Variants in DCHS2 observed in about 807,000 individuals in gnomAD.
DCHS2 encodes the protein dachsous cadherin-related 2, also known as protocadherin-23.
Under a neutral mutation model 182.4 loss-of-function variants are expected in DCHS2, and 142 were observed. The observed-to-expected ratio is 0.78, with a 90% CI of 0.68 to 0.89. The LOEUF is 0.89. Ranked by LOEUF, DCHS2 falls within the 40% of genes least tolerant of loss-of-function variation. The pLI, the probability that DCHS2 is intolerant of heterozygous loss-of-function variation, is 0.00. For synonymous variants in DCHS2, 1,740 were observed against 1,663.3 expected (o/e 1.05, Z -1.12); for missense variants, 4,319 against 4,198.6 (o/e 1.03, Z -0.79).
At chr4:154,290,534 A>G (rs902352418) in intron 13 of DCHS2, among the ~76,000 whole-genome samples, 6 of 152,030 alleles carry the variant, frequency 3.9e-5, no homozygotes, top group African/African-American at 1.4e-4. Context: ...CCTGGCTTCA[A>G]ATTATACTAC....
intron 14 of DCHS2, chr4:154,261,968 G>A (rs925007545): frequency 1.3e-5 from 2 of 152,118 alleles, no homozygotes; most frequent in African/African-American, 4.8e-5. Context: ...ACCCCGAAAT[G>A]TCACCAGAGC....
Position 154,232,936 on chromosome 4 carries a change from G to C in DCHS2, c.*1600C>G, listed in dbSNP as rs1249183182. 1 of 150,526 alleles carries C rather than the reference G, an allele frequency of 6.6e-6. No individual in the cohort carries two copies. Among genetic ancestry groups the C allele is most frequent in the Non-Finnish European group, 1.5e-5 (1 of 67,772 alleles). The allele number at this position is 150,526 out of a possible 1,614,324, so 9.3% of individuals were successfully genotyped here. Reference sequence around the variant, plus strand: ...TTTGTTCCCAATCTCAGTCAGCATAGATAGATAATAGAAAATATCAGCATA... The same window carrying C: ...TTTGTTCCCAATCTCAGTCAGCATACATAGATAATAGAAAATATCAGCATA... On this transcript the variant is annotated 3_prime_UTR_variant, in exon 20 of 20. Transcript: ENST00000357232.
chr4:154,419,048 C>T (rs1732988130), intron 1 of DCHS2, among the ~76,000 whole-genome samples: 3 of 151,756 alleles, frequency 2.0e-5, no homozygotes, highest in African/African-American at 7.3e-5. Context: ...ATGCAATCAG[C>T]ATGAATGTAA....
intron 8 of DCHS2, 113 bp downstream of exon 8, chr4:154,322,218 T>C: frequency 7.2e-7 from 1 of 1,391,790 alleles, no homozygotes; most frequent in African/African-American, 1.4e-5. Context: ...TCATGTAACA[T>C]ACATACATAT....
rs1369737285 is a variant in DCHS2, at chr4:154,490,100, G to A, written c.1256C>T (p.Thr419Ile). The A allele has an allele frequency of 1.3e-6, 2 of 1,549,170 alleles. No individual in the cohort carries two copies. Among genetic ancestry groups the A allele is most frequent in the Admixed American group, 2.0e-5 (1 of 50,934 alleles). The change falls in exon 1 of 20, where the codon ACA becomes ATA. Residue 419 changes from threonine (T) to isoleucine (I), a missense_variant. By Grantham distance (89) the Thr-to-Ile change is moderately conservative. Transcript: ENST00000357232. ...AGAGACACGGGCGACGCCTCCCTCT[G>A]TGAGAAAGAGCACGTGAATTGCTGG... The part of the protein sequence containing the change: ...NRPAIHVLFL[T>I]EGGVARVSEG...
chr4:154,257,920 C>A (rs1416632101), intron 15 of DCHS2, among the ~76,000 whole-genome samples: 1 of 152,170 alleles, frequency 6.6e-6, no homozygotes, highest in Non-Finnish European at 1.5e-5. Flanking sequence ...TTATATGGGT[C>A]TTTGCCTTCA....
chr4:154,364,744 A>T (rs954252950), intron 3 of DCHS2, among the ~76,000 whole-genome samples: 1 of 152,148 alleles, frequency 6.6e-6, no homozygotes, highest in Non-Finnish European at 1.5e-5. Context: ...GTAAATTATC[A>T]TTTGTTTCTA....
chr4:154,374,687 C>G (rs370565016), intron 2 of DCHS2, among the ~76,000 whole-genome samples: 1 of 151,810 alleles, frequency 6.6e-6, no homozygotes, highest in Non-Finnish European at 1.5e-5. Context: ...ATTTTTTCCC[C>G]AAAATTCACA....
intron 1 of DCHS2, among the ~76,000 whole-genome samples, chr4:154,459,500 C>G (rs2110994016): frequency 6.6e-6 from 1 of 152,248 alleles, no homozygotes; most frequent in East Asian, 1.9e-4. Context: ...GACCACCGTC[C>G]CCACAAATGA....
chr4:154,272,974 A>C (rs1304643783), intron 13 of DCHS2, among the ~76,000 whole-genome samples: 1 of 152,044 alleles, frequency 6.6e-6, no homozygotes, highest in Non-Finnish European at 1.5e-5. Flanking sequence ...ACTTCCTCAT[A>C]GTTCCACTTC....
At chr4:154,238,608 T>C (rs943779067) in intron 19 of DCHS2, among the ~76,000 whole-genome samples, 1 of 152,208 alleles carries the variant, frequency 6.6e-6, no homozygotes, top group African/African-American at 2.4e-5. Context: ...TCTTGGTCTC[T>C]GATAAAAAGA....
chr4:154,350,170 C>G (rs1729540338), intron 3 of DCHS2, among the ~76,000 whole-genome samples: 1 of 152,204 alleles, frequency 6.6e-6, no homozygotes, highest in African/African-American at 2.4e-5. Context: ...AAAGAAAGAA[C>G]TGTAGCATGA....
At chr4:154,330,153 G>A (rs1736462681) in intron 5 of DCHS2, among the ~76,000 whole-genome samples, 2 of 152,210 alleles carry the variant, frequency 1.3e-5, no homozygotes, top group African/African-American at 4.8e-5. Context: ...TGGGACTGCT[G>A]TCAGGAAGAA....
At chr4:154,311,161 T>C (rs1322126109) in intron 10 of DCHS2, among the ~76,000 whole-genome samples, 2 of 152,238 alleles carry the variant, frequency 1.3e-5, no homozygotes. Flanking sequence ...TTTATCCTCC[T>C]CTTCCTCAAA....
intron 15 of DCHS2, among the ~76,000 whole-genome samples, chr4:154,258,780 A>T (rs1341441075): frequency 1.3e-5 from 2 of 152,198 alleles, no homozygotes; most frequent in Non-Finnish European, 2.9e-5. Context: ...CACCTAGCCC[A>T]GAGAAAAAGG....
intron 2 of DCHS2, among the ~76,000 whole-genome samples, chr4:154,376,541 G>T (rs970062842): frequency 6.6e-6 from 1 of 152,154 alleles, no homozygotes; most frequent in Non-Finnish European, 1.5e-5. Flanking sequence ...TCAAATAGTT[G>T]TTGTGAGAAC....
intron 1 of DCHS2, among the ~76,000 whole-genome samples, chr4:154,413,813 A>T (rs975022141): frequency 6.6e-6 from 1 of 152,194 alleles, no homozygotes; most frequent in Admixed American, 6.5e-5. Flanking sequence ...TTCTGTTACT[A>T]ACCCCAAAGC....
chr4:154,377,429 C>T lies in DCHS2; in HGVS notation c.2068G>A (p.Ala690Thr), dbSNP rs1336387571. Residue 690 changes from alanine (A) to threonine (T), a missense_variant, in exon 2 of 20, where the codon GCA (alanine) becomes ACA (threonine). Coordinates refer to ENST00000357232, the MANE Select transcript of DCHS2 (RefSeq NM_001358235.2). Reference sequence around the variant, plus strand: ...ATAAAGCCATAGAGTCCTGAATCTGCATCAGAGGCTGTCACCTGTGAGACA... The same window carrying T: ...ATAAAGCCATAGAGTCCTGAATCTGTATCAGAGGCTGTCACCTGTGAGACA... ...HCFLQVTASD[A>T]DSGLYGFIEY... The T allele has an allele frequency of 6.2e-7, 1 of 1,611,744 alleles. No homozygotes were observed. Among genetic ancestry groups the T allele is most frequent in the African/African-American group, 1.3e-5 (1 of 74,838 alleles).
At chr4:154,468,071 T>G (rs1440365381) in intron 1 of DCHS2, among the ~76,000 whole-genome samples, 1 of 152,142 alleles carries the variant, frequency 6.6e-6, no homozygotes, top group Non-Finnish European at 1.5e-5. Context: ...AGCTTGCTAT[T>G]TGGTGTCCAC....
Sources: gnomAD v4.1 joint callset for allele counts (sites outside exome capture counted in the v4.1 genomes callset) on GRCh38, gnomAD v4.1.1 for gene constraint, MANE v1.5 for transcripts, NCBI Gene and HGNC (gene_info 2026-07-23, HGNC 2026-07-21) for gene names.